The following CPNE4 variants were observed in gnomAD, a reference collection of about 807,000 sequenced individuals.
CPNE4 encodes the protein copine-4.
A neutral mutation model predicts 67.9 loss-of-function variants in CPNE4; 25 were observed. That is an observed-to-expected ratio of 0.37 (90% CI 0.27 to 0.51). The LOEUF is 0.51. Among genes scored for constraint, CPNE4 ranks in the 20% least tolerant of loss-of-function variants. The pLI, the probability that CPNE4 is intolerant of heterozygous loss-of-function variation, is 0.93. For synonymous variants in CPNE4, 242 were observed against 244.9 expected, an observed-to-expected ratio of 0.99 and a Z score of 0.11; for missense variants, 464 against 690.8, an observed-to-expected ratio of 0.67 and a Z score of 3.68.
chr3:131,658,325 T>TATAC (rs1233533584), intron 7 of CPNE4, among the ~76,000 whole-genome samples: 1 of 152,152 alleles, frequency 6.6e-6, no homozygotes, highest in Non-Finnish European at 1.5e-5. Context: ...GTGGCCTCTG[T>TATAC]AGGCAACATG....
rs552721162 is a variant in CPNE4, at chr3:131,953,586, G to A, written c.-1-48142C>T. The stretch of plus-strand genomic sequence containing the variant: ...GTAAATTTCACTTGATTATGGTGGC[G>A]TATTATCTTTTGCAGAAACATGGAT... On this transcript the variant is annotated intron_variant, in intron 1 of 15. Coordinates refer to ENST00000429747, the MANE Select transcript of CPNE4 (RefSeq NM_130808.3). Among the ~76,000 whole-genome samples, 180 of 152,116 alleles carry A rather than the reference G, an allele frequency of 1.2e-3. 1 individual carries two copies. Among genetic ancestry groups the A allele is most frequent in the Non-Finnish European group, 2.2e-3 (150 of 68,028 alleles).
Position 131,990,148 on chromosome 3 carries a change from A to G in CPNE4, c.-2+44419T>C, listed in dbSNP as rs1029003270. Among the ~76,000 whole-genome samples, 4 of 137,094 alleles carry G rather than the reference A, an allele frequency of 2.9e-5. 1 individual carries two copies. The highest frequency in any genetic ancestry group is 2.5e-4 in the Admixed American group (3 of 12,242). 89.9% of individuals were successfully genotyped at this position (137,094 alleles called of 152,430 possible). A position where few individuals can be genotyped will look rare whatever the true frequency, so the allele number is the denominator to read the frequency against. ...ATCTTCATTTATCATTTTGTGTGTC[A>G]TACAAGTCTCTGTAAACTTATATGA... On this transcript the variant is annotated intron_variant, in intron 1 of 15. Transcript: ENST00000429747.
chr3:131,548,952 G>A (rs1321352852), intron 14 of CPNE4, among the ~76,000 whole-genome samples: 1 of 152,140 alleles, frequency 6.6e-6, no homozygotes, highest in South Asian at 2.1e-4. Flanking sequence ...CAGAGTCAAG[G>A]GGGAGATATT....
At chr3:131,938,730 T>C (rs2071298740) in intron 1 of CPNE4, among the ~76,000 whole-genome samples, 1 of 152,086 alleles carries the variant, frequency 6.6e-6, no homozygotes, top group African/African-American at 2.4e-5. Flanking sequence ...AATGCCCCCA[T>C]GATCCAATCA....
intron 2 of CPNE4, among the ~76,000 whole-genome samples, chr3:131,840,983 T>C (rs866707832): frequency 6.6e-6 from 1 of 152,108 alleles, no homozygotes; most frequent in African/African-American, 2.4e-5. Flanking sequence ...ACTCTGTTCT[T>C]CCCCCATTCA....
chr3:131,816,185 C>A (rs1026107779), intron 2 of CPNE4, among the ~76,000 whole-genome samples: 1 of 152,120 alleles, frequency 6.6e-6, no homozygotes, highest in Admixed American at 6.5e-5. Context: ...CTTCTATGAG[C>A]ATTTTAAAGA....
intron 2 of CPNE4, among the ~76,000 whole-genome samples, chr3:131,805,734 T>C (rs1411807442): frequency 1.3e-5 from 2 of 152,178 alleles, no homozygotes; most frequent in Admixed American, 6.5e-5. Flanking sequence ...CAAAAGCAAG[T>C]GTTCTAAGAC....
chr3:131,738,378 C>G (rs112023104), intron 2 of CPNE4, among the ~76,000 whole-genome samples: 14 of 152,326 alleles, frequency 9.2e-5, no homozygotes, highest in African/African-American at 3.4e-4. Flanking sequence ...TGTATTTGTA[C>G]AGCAAGACAT....
At chr3:131,639,458 C>A (rs575128722) in intron 7 of CPNE4, among the ~76,000 whole-genome samples, 17 of 151,960 alleles carry the variant, frequency 1.1e-4, no homozygotes, top group African/African-American at 3.6e-4. Context: ...AGATTAAACC[C>A]GGATGACATA....
At chr3:131,794,406 A>T (rs2083864230) in intron 2 of CPNE4, among the ~76,000 whole-genome samples, 1 of 151,976 alleles carries the variant, frequency 6.6e-6, no homozygotes, top group Non-Finnish European at 1.5e-5. Flanking sequence ...CACCATGCCC[A>T]GCTAATTTTT....
intron 7 of CPNE4, among the ~76,000 whole-genome samples, chr3:131,614,995 TA>T (rs1297676325): frequency 2.0e-5 from 3 of 152,192 alleles, no homozygotes; most frequent in Non-Finnish European, 4.4e-5. Context: ...TCACTATTCT[TA>T]AACTTTAGTA....
intron 1 of CPNE4, among the ~76,000 whole-genome samples, chr3:132,024,114 T>TG (rs2074065180): frequency 2.7e-5 from 4 of 149,558 alleles, no homozygotes; most frequent in Admixed American, 2.7e-4. Context: ...GACACAGTCT[T>TG]GCTCTGTTGC....
rs528790046 is a variant in CPNE4, at chr3:131,925,159, C to G, written c.-1-19715G>C. On this transcript the variant is annotated intron_variant, in intron 1 of 15. Transcript: ENST00000429747. ...ATTCTCTCTCTCTTGTTCTCATATT[C>G]TCTCTCTCTCTCTCTCTCTCATAAT... is the stretch of plus-strand genomic sequence containing the variant. 7.3e-3 allele frequency among the ~76,000 whole-genome samples: 1,039 copies of G among 141,364 alleles called. 4 individuals carry two copies. The highest frequency in any genetic ancestry group is 1.0e-2 in the Non-Finnish European group (666 of 66,798). The allele number at this position is 141,364 out of a possible 152,430, so 92.7% of individuals were successfully genotyped here.
chr3:131,792,693 ATACATATACACACACG>A (rs1167209860), intron 2 of CPNE4, among the ~76,000 whole-genome samples: 1,047 of 60,376 alleles, frequency 0.017, 82 homozygotes, highest in East Asian at 0.026. Context: ...ACGTGTATAT[ATACATATACACACACG>A]TGTATATATG....
intron 2 of CPNE4, among the ~76,000 whole-genome samples, chr3:131,876,853 G>A (rs1483799182): frequency 1.3e-5 from 2 of 152,078 alleles, no homozygotes; most frequent in Non-Finnish European, 2.9e-5. Flanking sequence ...ATCACAGTGA[G>A]TACCATGTAG....
chr3:131,897,916 G>GA (rs982098744), intron 2 of CPNE4, among the ~76,000 whole-genome samples: 43 of 151,662 alleles, frequency 2.8e-4, no homozygotes, highest in African/African-American at 9.2e-4. Context: ...AAAGAGGATG[G>GA]AAAAAATAAA....
At chr3:131,808,236 C>T (rs2084392704) in intron 2 of CPNE4, among the ~76,000 whole-genome samples, 1 of 152,164 alleles carries the variant, frequency 6.6e-6, no homozygotes, top group South Asian at 2.1e-4. Flanking sequence ...AAATCCCACT[C>T]ACTGTTAAGA....
intron 1 of CPNE4, among the ~76,000 whole-genome samples, chr3:131,977,277 T>C (rs2072686825): frequency 6.6e-6 from 1 of 152,144 alleles, no homozygotes; most frequent in East Asian, 1.9e-4. Flanking sequence ...GCACTTAAAT[T>C]GTTTCAAAGT....
chr3:131,949,890 G>C (rs966669371), intron 1 of CPNE4, among the ~76,000 whole-genome samples: 1 of 152,034 alleles, frequency 6.6e-6, no homozygotes, highest in East Asian at 1.9e-4. Context: ...TACTCCCTTG[G>C]ATGAATATAA....
Sources: allele counts gnomAD v4.1 joint callset (sites outside exome capture counted in the v4.1 genomes callset), GRCh38; gene constraint gnomAD v4.1.1; transcripts MANE v1.5; gene names NCBI Gene and HGNC (gene_info 2026-07-23, HGNC 2026-07-21).